CTNND2: variants seen among roughly 807,000 people sequenced by gnomAD.
The protein encoded by CTNND2 is catenin delta-2.
CTNND2 carries 22 observed loss-of-function variants against 144.4 expected under a neutral mutation model. That is an observed-to-expected ratio of 0.15 (90% CI 0.11 to 0.22). The LOEUF (loss-of-function observed/expected upper bound fraction) is 0.22. Ranked by LOEUF, CTNND2 falls within the 10% of genes least tolerant of loss-of-function variation. The probability of loss-of-function intolerance (pLI) is 1.00; values close to 1 mark genes in which losing one functional copy is unlikely to be tolerated. For synonymous variants in CTNND2, 751 were observed against 695.6 expected (o/e 1.08, Z -1.25); for missense variants, 1,353 against 1,618.8 (o/e 0.84, Z 2.82).
At chr5:11,024,660 A>G (rs1348133016) in intron 16 of CTNND2, among the ~76,000 whole-genome samples, 1 of 152,226 alleles carries the variant, frequency 6.6e-6, no homozygotes, top group South Asian at 2.1e-4. Flanking sequence ...TTGACTGTGT[A>G]TGGAGGACTG....
At chr5:11,080,587 T>A (rs994307295) in intron 16 of CTNND2, among the ~76,000 whole-genome samples, 8 of 152,202 alleles carry the variant, frequency 5.3e-5, no homozygotes, top group African/African-American at 1.9e-4. Flanking sequence ...TGTCCATCAA[T>A]GGATAAATGA....
intron 10 of CTNND2, among the ~76,000 whole-genome samples, chr5:11,217,686 C>T (rs139167463): frequency 0.012 from 1,868 of 152,122 alleles, 11 homozygotes; most frequent in Non-Finnish European, 0.017. Flanking sequence ...AATTTCAGGC[C>T]GAAATGTCTC....
chr5:11,032,688 A>G (rs765966506), intron 16 of CTNND2, among the ~76,000 whole-genome samples: 5 of 152,198 alleles, frequency 3.3e-5, no homozygotes, highest in Non-Finnish European at 5.9e-5. Flanking sequence ...TAGCAATCAA[A>G]AGGAACACTA....
intron 16 of CTNND2, among the ~76,000 whole-genome samples, chr5:11,033,339 T>C (rs2149554513): frequency 6.6e-6 from 1 of 152,364 alleles, no homozygotes; most frequent in South Asian, 2.1e-4. Context: ...TTCTGTTGTA[T>C]GTGTATAAAC....
At chr5:11,836,575 T>G (rs758061751) in intron 1 of CTNND2, among the ~76,000 whole-genome samples, 6 of 151,592 alleles carry the variant, frequency 4.0e-5, no homozygotes, top group Non-Finnish European at 5.9e-5. Context: ...ACAGACAATT[T>G]AAAGTTCAAG....
chr5:11,544,914 C>G (rs1007032894), intron 3 of CTNND2, among the ~76,000 whole-genome samples: 1 of 151,622 alleles, frequency 6.6e-6, no homozygotes, highest in Non-Finnish European at 1.5e-5. Flanking sequence ...GTCAGGAGTT[C>G]AAGACTAGCC....
rs189953396 is a variant in CTNND2 at position 11,556,032 on chromosome 5, A to G, written c.287+8912T>C. 2.9e-3 allele frequency among the ~76,000 whole-genome samples: 445 copies of G among 152,318 alleles called. 2 individuals carry two copies. Among genetic ancestry groups the G allele is most frequent in the African/African-American group, 0.01 (428 of 41,576 alleles). On this transcript the variant is annotated intron_variant, in intron 3 of 21. Coordinates refer to ENST00000304623, the MANE Select transcript of CTNND2 (RefSeq NM_001332.4). The stretch of plus-strand genomic sequence containing the variant: ...ACTAATTGTCTTGTTTAAATAAATC[A>G]GTACAACTTTATTGGAGCAGTAATA...
chr5:11,347,942 C>A lies in CTNND2; in HGVS notation c.1373-1315G>T, dbSNP rs16901528. Among the ~76,000 whole-genome samples, 523 of 152,268 alleles carry A rather than the reference C, an allele frequency of 3.4e-3. 4 individuals carry two copies. Among genetic ancestry groups the A allele is most frequent in the African/African-American group, 0.012 (493 of 41,558 alleles). On this transcript the variant is annotated intron_variant, in intron 8 of 21. Coordinates refer to ENST00000304623, the MANE Select transcript of CTNND2 (RefSeq NM_001332.4). ...GCAAAGTGAATGGGAGGAATACACT[C>A]TAATACCGAGGATTGACTTAAGAGT...
chr5:11,693,353 G>C (rs1041470586), intron 2 of CTNND2, among the ~76,000 whole-genome samples: 5 of 152,176 alleles, frequency 3.3e-5, no homozygotes, highest in Non-Finnish European at 7.3e-5. Flanking sequence ...GGACAGATAC[G>C]CAGACTTTAG....
Position 11,270,014 on chromosome 5 carries a change from T to C in CTNND2, c.1629-33191A>G, listed in dbSNP as rs1046437563. On this transcript the variant is annotated intron_variant, in intron 9 of 21. Transcript: ENST00000304623. The stretch of plus-strand genomic sequence containing the variant: ...ATGTATAAAACAACATTCACAAACA[T>C]TGTATTTCACCAATTCTTAACTTCA... Among the ~76,000 whole-genome samples, 5 of 152,310 alleles carry C rather than the reference T, an allele frequency of 3.3e-5. No homozygotes were observed. The South Asian group carries it at 8.3e-4, about 25-fold the overall frequency.
At chr5:11,124,966 T>C (rs1754528716) in intron 12 of CTNND2, among the ~76,000 whole-genome samples, 1 of 152,202 alleles carries the variant, frequency 6.6e-6, no homozygotes, top group Non-Finnish European at 1.5e-5. Flanking sequence ...ATCTAGAGTC[T>C]GGGTTTCAGG....
At chr5:11,632,839 G>C (rs1298050782) in intron 2 of CTNND2, among the ~76,000 whole-genome samples, 1 of 152,160 alleles carries the variant, frequency 6.6e-6, no homozygotes, top group African/African-American at 2.4e-5. Context: ...CTGGAGTTAA[G>C]AAGTACAATA....
chr5:11,598,271 T>C (rs1479831015), intron 2 of CTNND2, among the ~76,000 whole-genome samples: 3 of 152,132 alleles, frequency 2.0e-5, no homozygotes, highest in South Asian at 2.1e-4. Context: ...CATGTTCTTA[T>C]TGGGTTTGTA....
intron 3 of CTNND2, among the ~76,000 whole-genome samples, chr5:11,504,072 A>G (rs1770777022): frequency 6.6e-6 from 1 of 152,240 alleles, no homozygotes; most frequent in Non-Finnish European, 1.5e-5. Flanking sequence ...CTAAAGAATC[A>G]TTATATTTAT....
chr5:11,886,975 C>CTTTTTTT (rs36178842), intron 1 of CTNND2, among the ~76,000 whole-genome samples: 7 of 83,574 alleles, frequency 8.4e-5, no homozygotes, highest in Admixed American at 1.6e-4. Flanking sequence ...TATCCTACTG[C>CTTTTTTT]TTTTTTTTTT....
At chr5:11,803,590 C>T (rs752117210) in intron 1 of CTNND2, among the ~76,000 whole-genome samples, 23 of 152,084 alleles carry the variant, frequency 1.5e-4, no homozygotes, top group Non-Finnish European at 2.2e-4. Flanking sequence ...TTAAGGCTAC[C>T]GAAATATTAA....
In CTNND2 at chr5:11,384,565, G is replaced by C; in HGVS notation, c.1177+100C>G. On this transcript the variant is annotated intron_variant, in intron 7 of 21. Coordinates refer to ENST00000304623, the MANE Select transcript of CTNND2 (RefSeq NM_001332.4). This position sits in a 1 kb window ranked among gnomAD's most constrained non-coding sequence, Gnocchi z 5.2. ...CTCCTGCAACTACTACAACCTGGCA[G>C]ACAGCGCGCCCGGCTTCGCTTCTGC... 4 of 1,141,214 alleles carry C rather than the reference G, an allele frequency of 3.5e-6. No homozygotes were observed. Among genetic ancestry groups the C allele is most frequent in the Non-Finnish European group, 4.8e-6 (4 of 824,832 alleles). 70.7% of individuals were successfully genotyped at this position (1,141,214 alleles called of 1,614,324 possible). A position where few individuals can be genotyped will look rare whatever the true frequency, so the allele number is the denominator to read the frequency against.
intron 14 of CTNND2, among the ~76,000 whole-genome samples, chr5:11,109,867 A>C (rs1430056330): frequency 6.6e-6 from 1 of 152,254 alleles, no homozygotes; most frequent in Admixed American, 6.5e-5. Flanking sequence ...TATTTTGTAC[A>C]GGCAAATAGC....
chr5:11,647,343 A>G (rs892046199), intron 2 of CTNND2, among the ~76,000 whole-genome samples: 17 of 152,120 alleles, frequency 1.1e-4, no homozygotes, highest in Admixed American at 7.9e-4. Flanking sequence ...CAAAAAGAGC[A>G]CAACTGGACA....
Sources: gnomAD v4.1 joint callset for allele counts (sites outside exome capture counted in the v4.1 genomes callset) on GRCh38, gnomAD v4.1.1 for gene constraint, Gnocchi (gnomAD v3.1) non-coding constraint, MANE v1.5 for transcripts, NCBI Gene and HGNC (gene_info 2026-07-23, HGNC 2026-07-21) for gene names.